The following MDGA2 variants were observed in gnomAD, a reference collection of about 807,000 sequenced individuals.
The protein encoded by MDGA2 is MAM domain containing glycosylphosphatidylinositol anchor 2, also known as MAM domain-containing glycosylphosphatidylinositol anchor protein 2.
A neutral mutation model predicts 117.8 loss-of-function variants in MDGA2; 40 were observed. The observed-to-expected ratio is 0.34, with a 90% confidence interval of 0.26 to 0.44. MDGA2 has a LOEUF of 0.44. Ranked by LOEUF, MDGA2 falls within the 20% of genes least tolerant of loss-of-function variation. The pLI, the probability that MDGA2 is intolerant of heterozygous loss-of-function variation, is 1.00. For missense variants in MDGA2, 1,123 were observed against 1,250.6 expected (o/e 0.90, Z 1.54); for synonymous variants, 452 against 439.0 (o/e 1.03, Z -0.37).
At chr14:47,478,705 T>C (rs1396458445) in intron 1 of MDGA2, among the ~76,000 whole-genome samples, 2 of 152,152 alleles carry the variant, frequency 1.3e-5, no homozygotes, top group Non-Finnish European at 2.9e-5. Context: ...TGTTTTAATA[T>C]ACAAGAGCAG....
At chr14:47,376,291 T>C (rs1891476690) in intron 1 of MDGA2, among the ~76,000 whole-genome samples, 1 of 152,150 alleles carries the variant, frequency 6.6e-6, no homozygotes, top group African/African-American at 2.4e-5. Flanking sequence ...ATGAGCCAAA[T>C]ATTTTACACA....
intron 14 of MDGA2, among the ~76,000 whole-genome samples, chr14:46,863,147 C>A (rs1245702635): frequency 6.6e-6 from 1 of 151,928 alleles, no homozygotes; most frequent in Non-Finnish European, 1.5e-5. Flanking sequence ...TTCTCATATT[C>A]TTTGGCCTTT....
chr14:47,034,614 T>G (rs1010191906), intron 8 of MDGA2, among the ~76,000 whole-genome samples: 1 of 152,148 alleles, frequency 6.6e-6, no homozygotes, highest in African/African-American at 2.4e-5. Flanking sequence ...AAACATGGAC[T>G]GTGAAAACAA....
intron 1 of MDGA2, among the ~76,000 whole-genome samples, chr14:47,421,460 T>G (rs1041906794): frequency 6.6e-6 from 1 of 151,206 alleles, no homozygotes; most frequent in African/African-American, 2.4e-5. Context: ...TTTCTGTAAC[T>G]TCCATCCTTT....
intron 8 of MDGA2, among the ~76,000 whole-genome samples, chr14:46,989,478 C>CT (rs1458121077): frequency 6.6e-6 from 1 of 152,026 alleles, no homozygotes; most frequent in African/African-American, 2.4e-5. Context: ...ACTAATCCAT[C>CT]TTTTTCTTCA....
At chr14:47,014,810 A>G (rs1888022413) in intron 8 of MDGA2, among the ~76,000 whole-genome samples, 2 of 152,172 alleles carry the variant, frequency 1.3e-5, no homozygotes, top group South Asian at 2.1e-4. Context: ...TTGCTTTCTT[A>G]TCATCTGGTG....
chr14:47,239,818 A>T (rs1359181309), intron 2 of MDGA2, among the ~76,000 whole-genome samples: 1 of 151,840 alleles, frequency 6.6e-6, no homozygotes, highest in Non-Finnish European at 1.5e-5. Flanking sequence ...ATGTTATTGC[A>T]TCCTTGCTTT....
At position 47,150,185 on chromosome 14, in the gene MDGA2, G is replaced by C. The variant is rs139609515; in HGVS notation, c.596-5911C>G. Among the ~76,000 whole-genome samples the C allele has an allele frequency of 4.1e-3, 621 of 152,300 alleles. 3 individuals carry two copies. The highest frequency in any genetic ancestry group is 0.014 in the African/African-American group (584 of 41,576). ...GTCCAGATGGTTTAGGATAATTTGAGACTTCAAGGTTGTGGAGTCCATAAA... is the reference window on the plus strand; with the variant it reads ...GTCCAGATGGTTTAGGATAATTTGACACTTCAAGGTTGTGGAGTCCATAAA... On this transcript the variant is annotated intron_variant, in intron 3 of 16. Coordinates refer to ENST00000399232, the MANE Select transcript of MDGA2 (RefSeq NM_001113498.3).
chr14:47,441,676 C>T (rs925152231), intron 1 of MDGA2, among the ~76,000 whole-genome samples: 2 of 152,072 alleles, frequency 1.3e-5, no homozygotes, highest in Non-Finnish European at 2.9e-5. Context: ...GTCATGGGTA[C>T]AAACAACATA....
At chr14:46,982,074 T>C (rs950326760) in intron 8 of MDGA2, among the ~76,000 whole-genome samples, 2 of 152,214 alleles carry the variant, frequency 1.3e-5, no homozygotes, top group Admixed American at 1.3e-4. Flanking sequence ...ACCTAAATAT[T>C]AAATACTCTT....
At chr14:46,963,818 T>C (rs1885906288) in intron 8 of MDGA2, among the ~76,000 whole-genome samples, 3 of 152,224 alleles carry the variant, frequency 2.0e-5, no homozygotes, top group Admixed American at 6.5e-5. Context: ...TGTTGCATCC[T>C]ATGTGTCTAT....
At chr14:46,979,505 G>A (rs995977047) in intron 8 of MDGA2, among the ~76,000 whole-genome samples, 3 of 151,966 alleles carry the variant, frequency 2.0e-5, no homozygotes, top group Non-Finnish European at 4.4e-5. Context: ...GCTCCAAATC[G>A]CCCACTTGTG....
chr14:47,658,832 G>C (rs1250473180), intron 1 of MDGA2, among the ~76,000 whole-genome samples: 3 of 152,156 alleles, frequency 2.0e-5, no homozygotes, highest in African/African-American at 7.2e-5. Flanking sequence ...AGAGTAAACA[G>C]AATTCTTTCT....
At chr14:47,587,423 G>A (rs1321844295) in intron 1 of MDGA2, among the ~76,000 whole-genome samples, 1 of 151,784 alleles carries the variant, frequency 6.6e-6, no homozygotes, top group Admixed American at 6.6e-5. Flanking sequence ...AGCTATTCCT[G>A]TTGGCTTCAC....
intron 1 of MDGA2, among the ~76,000 whole-genome samples, chr14:47,322,083 A>G (rs1414988405): frequency 6.6e-6 from 1 of 152,194 alleles, no homozygotes; most frequent in East Asian, 1.9e-4. Context: ...AGAGAGACAG[A>G]GACAGAGCGA....
chr14:47,176,374 G>A (rs963120646), intron 3 of MDGA2, among the ~76,000 whole-genome samples: 9 of 152,158 alleles, frequency 5.9e-5, no homozygotes, highest in African/African-American at 2.2e-4. Context: ...CAAAGCTGGA[G>A]GCATCACGCT....
chr14:47,243,757 G>A (rs983016409), intron 2 of MDGA2, among the ~76,000 whole-genome samples: 2 of 151,758 alleles, frequency 1.3e-5, no homozygotes, highest in African/African-American at 4.8e-5. Context: ...GAGGGTCCGA[G>A]GCTTCATTCT....
At chr14:47,606,961 C>A (rs934288504) in intron 1 of MDGA2, among the ~76,000 whole-genome samples, 1 of 152,054 alleles carries the variant, frequency 6.6e-6, no homozygotes, top group African/African-American at 2.4e-5. Context: ...AAAACACACG[C>A]ACTGGTGTAA....
intron 1 of MDGA2, among the ~76,000 whole-genome samples, chr14:47,490,587 G>A (rs928823728): frequency 2.0e-5 from 3 of 151,906 alleles, no homozygotes; most frequent in East Asian, 1.9e-4. Context: ...TTTCACAATC[G>A]TATACATATT....
Sources: gnomAD v4.1 joint callset for allele counts (sites outside exome capture counted in the v4.1 genomes callset) on GRCh38, gnomAD v4.1.1 for gene constraint, MANE v1.5 for transcripts, NCBI Gene and HGNC (gene_info 2026-07-23, HGNC 2026-07-21) for gene names.